NEDD4: variants seen among roughly 807,000 people sequenced by gnomAD.
The protein encoded by NEDD4 is E3 ubiquitin-protein ligase NEDD4.
Under a neutral mutation model 144.9 loss-of-function variants are expected in NEDD4, and 99 were observed. That is an observed-to-expected ratio of 0.68 (90% CI 0.58 to 0.81). The LOEUF (loss-of-function observed/expected upper bound fraction) is 0.81, where lower values mean the gene tolerates loss of function less well. NEDD4 is among the 30% of genes least tolerant of loss of function. NEDD4 has a pLI of 0.00. For missense variants in NEDD4, 985 were observed against 1,065.9 expected, an observed-to-expected ratio of 0.92 and a Z score of 1.06; for synonymous variants, 318 against 350.6, an observed-to-expected ratio of 0.91 and a Z score of 1.04.
At chr15:55,965,360 C>G (rs1163748281) in intron 2 of NEDD4, among the ~76,000 whole-genome samples, 2 of 152,004 alleles carry the variant, frequency 1.3e-5, no homozygotes, top group Admixed American at 1.3e-4. Flanking sequence ...CGCCACCATG[C>G]CCAGCTGATT....
At chr15:55,937,676 C>T (rs1419653565) in intron 4 of NEDD4, among the ~76,000 whole-genome samples, 2 of 152,066 alleles carry the variant, frequency 1.3e-5, no homozygotes, top group Non-Finnish European at 2.9e-5. Context: ...TCTTTCAAGA[C>T]AAAAATAAAT....
chr15:55,931,428 T>G (rs770473605), intron 4 of NEDD4, among the ~76,000 whole-genome samples: 5 of 152,174 alleles, frequency 3.3e-5, no homozygotes, highest in African/African-American at 4.8e-5. Flanking sequence ...TTCACAAGAT[T>G]TTTTAAATTT....
chr15:55,949,459 C>T (rs2037193452), intron 4 of NEDD4, among the ~76,000 whole-genome samples: 2 of 152,066 alleles, frequency 1.3e-5, no homozygotes, highest in African/African-American at 4.8e-5. Flanking sequence ...GGGTATATAC[C>T]CAAAGGATTA....
intron 1 of NEDD4, chr15:55,987,856 T>C (rs1213181259): frequency 1.6e-3 from 138 of 88,670 alleles, no homozygotes; most frequent in African/African-American, 6.4e-3. Flanking sequence ...ACCAGTACCA[T>C]GCTGTTTTGG....
intron 1 of NEDD4, among the ~76,000 whole-genome samples, chr15:55,990,896 A>C (rs1453294049): frequency 1.3e-5 from 2 of 152,218 alleles, no homozygotes; most frequent in African/African-American, 4.8e-5. Flanking sequence ...GTTTGTTAAC[A>C]CTTTAAAGGT....
intron 1 of NEDD4, chr15:55,992,145 T>TG (rs1404437374): frequency 4.6e-5 from 7 of 152,190 alleles, no homozygotes; most frequent in Non-Finnish European, 1.0e-4. Context: ...TGAAGTGCTG[T>TG]ATTATCTTCT....
rs1346917953 is a variant in NEDD4 at position 55,879,389 on chromosome 15, A to G, written c.292-5381T>C. Among the ~76,000 whole-genome samples, 4 of 152,204 alleles carry G rather than the reference A, an allele frequency of 2.6e-5. No homozygotes were observed. The East Asian group carries it at 7.7e-4, about 29-fold the overall frequency. ...TCTGGAACAACTAAGCAACCCAATG[A>G]GACAGACTTATAGATATTAAATCCA... On this transcript the variant is annotated intron_variant, in intron 5 of 28. Coordinates refer to ENST00000435532, the MANE Select transcript of NEDD4 (RefSeq NM_006154.4).
chr15:55,827,649 A>G lies in NEDD4; in HGVS notation c.*2248T>C, dbSNP rs934232560. 1 of 152,218 alleles carries G rather than the reference A, an allele frequency of 6.6e-6. No homozygotes were observed. The highest frequency in any genetic ancestry group is 1.5e-5 in the Non-Finnish European group (1 of 68,036). The allele number at this position is 152,218 out of a possible 1,614,324, so 9.4% of individuals were successfully genotyped here. A position where few individuals can be genotyped will look rare whatever the true frequency, so the allele number is the denominator to read the frequency against. On this transcript the variant is annotated 3_prime_UTR_variant, in exon 29 of 29. Transcript: ENST00000435532. Reference sequence around the variant, plus strand: ...ACATTTCCAAAATGCATTGGCCCACATTACTATTACTTTGCTGATATGAAG... The same window carrying G: ...ACATTTCCAAAATGCATTGGCCCACGTTACTATTACTTTGCTGATATGAAG...
intron 5 of NEDD4, among the ~76,000 whole-genome samples, chr15:55,918,304 T>C (rs2036502658): frequency 6.6e-6 from 1 of 152,166 alleles, no homozygotes; most frequent in Non-Finnish European, 1.5e-5. Context: ...AAATTTAATA[T>C]TTTAATTTCT....
At chr15:55,916,772 T>A (rs147696976) in intron 5 of NEDD4, 52 of 1,613,768 alleles carry the variant, frequency 3.2e-5, no homozygotes, top group African/African-American at 1.6e-4. Context: ...CGGAGGTTTC[T>A]GACAAAGGGT....
rs1275174079 is a variant in NEDD4, at chr15:55,960,895, A to T, written c.119+5578T>A. Reference sequence around the variant, plus strand: ...CACTAGTTGACTGTGCATGTCCTAGATGGCTCCCCACTTCCTGTTGGCCCT... The same window carrying T: ...CACTAGTTGACTGTGCATGTCCTAGTTGGCTCCCCACTTCCTGTTGGCCCT... On this transcript the variant is annotated intron_variant, in intron 2 of 28. Transcript: ENST00000435532. Among the ~76,000 whole-genome samples the T allele has an allele frequency of 3.3e-5, 5 of 152,152 alleles. No individual in the cohort carries two copies. The South Asian group carries it at 1.0e-3, about 32-fold the overall frequency.
At chr15:55,923,911 A>C (rs1368124260) in intron 5 of NEDD4, among the ~76,000 whole-genome samples, 1 of 152,048 alleles carries the variant, frequency 6.6e-6, no homozygotes, top group Non-Finnish European at 1.5e-5. Flanking sequence ...CTTGTAACTG[A>C]TAAGCTTTGC....
intron 2 of NEDD4, among the ~76,000 whole-genome samples, chr15:55,962,732 C>T (rs1050636357): frequency 6.6e-6 from 1 of 152,096 alleles, no homozygotes; most frequent in South Asian, 2.1e-4. Context: ...GGGTGAGCCA[C>T]CGCACCCAGC....
chr15:55,861,086 A>T (rs1379471503), intron 9 of NEDD4, among the ~76,000 whole-genome samples: 1 of 152,226 alleles, frequency 6.6e-6, no homozygotes. Context: ...TTGAATGAAT[A>T]AATATCAGAG....
At chr15:55,881,234 C>T (rs926424224) in intron 5 of NEDD4, among the ~76,000 whole-genome samples, 52 of 151,780 alleles carry the variant, frequency 3.4e-4, no homozygotes, top group Admixed American at 2.0e-3. Context: ...CTCTACCTCC[C>T]GGGTTCCGGC....
chr15:55,921,135 T>A (rs955614285), intron 5 of NEDD4, among the ~76,000 whole-genome samples: 1 of 152,166 alleles, frequency 6.6e-6, no homozygotes, highest in East Asian at 1.9e-4. Flanking sequence ...TTCATCGTCA[T>A]TGTCTCATTT....
At chr15:55,838,329 A>G (rs2033309364) in intron 22 of NEDD4, 149 bp from the exon 23 acceptor site, 1 of 736,178 alleles carries the variant, frequency 1.4e-6, no homozygotes, top group Admixed American at 3.0e-5. Context: ...TAGTTTTACT[A>G]AAATAAATAT....
chr15:55,882,081 G>GT (rs1160876940), intron 5 of NEDD4, among the ~76,000 whole-genome samples: 1 of 152,116 alleles, frequency 6.6e-6, no homozygotes, highest in African/African-American at 2.4e-5. Context: ...CCTAATTTTG[G>GT]TTTTTAAAAG....
intron 5 of NEDD4, chr15:55,915,185 A>T: frequency 8.8e-7 from 1 of 1,130,968 alleles, no homozygotes; most frequent in South Asian, 1.8e-5. Context: ...AGGACCAGGA[A>T]AATATGTAAA....
Sources: allele counts gnomAD v4.1 joint callset (sites outside exome capture counted in the v4.1 genomes callset), GRCh38; gene constraint gnomAD v4.1.1; transcripts MANE v1.5; gene names NCBI Gene and HGNC (gene_info 2026-07-23, HGNC 2026-07-21).